HS6ST3: variants seen among roughly 807,000 people sequenced by gnomAD.
HS6ST3 encodes the protein heparan-sulfate 6-O-sulfotransferase 3.
HS6ST3 carries 12 observed loss-of-function variants against 36.7 expected under a neutral mutation model. That is an observed-to-expected ratio of 0.33 (90% CI 0.21 to 0.53). HS6ST3 has a LOEUF of 0.53. Ranked by LOEUF, HS6ST3 falls within the 20% of genes least tolerant of loss-of-function variation. HS6ST3 has a pLI of 0.95. For synonymous variants in HS6ST3, 240 were observed against 257.5 expected, an observed-to-expected ratio of 0.93 and a Z score of 0.65; for missense variants, 584 against 640.9, an observed-to-expected ratio of 0.91 and a Z score of 0.96.
intron 1 of HS6ST3, among the ~76,000 whole-genome samples, chr13:96,452,877 G>C (rs1276207712): frequency 6.6e-6 from 1 of 152,090 alleles, no homozygotes; most frequent in Non-Finnish European, 1.5e-5. Flanking sequence ...GGGAGGAATT[G>C]CATGATGAAA....
chr13:96,509,513 A>T (rs2056040357), intron 1 of HS6ST3, among the ~76,000 whole-genome samples: 1 of 152,108 alleles, frequency 6.6e-6, no homozygotes, highest in African/African-American at 2.4e-5. Flanking sequence ...TCTTGAGTTG[A>T]TTTTTGTATA....
chr13:96,326,501 A>G (rs2055032568), intron 1 of HS6ST3, among the ~76,000 whole-genome samples: 1 of 152,062 alleles, frequency 6.6e-6, no homozygotes, highest in East Asian at 1.9e-4. Flanking sequence ...TACAAAGGAC[A>G]TGAACTCATC....
chr13:96,216,420 G>A (rs773627927), intron 1 of HS6ST3, among the ~76,000 whole-genome samples: 6 of 151,914 alleles, frequency 3.9e-5, no homozygotes, highest in African/African-American at 7.3e-5. Context: ...CCTGCTCCCC[G>A]CCCACCAATA....
In HS6ST3 at chr13:96,212,609, G is replaced by T. The variant is rs553902409; in HGVS notation, c.707+121040G>T. Among the ~76,000 whole-genome samples the T allele has an allele frequency of 3.3e-5, 5 of 152,350 alleles. 1 individual carries two copies. The South Asian group carries it at 1.0e-3, about 32-fold the overall frequency. On this transcript the variant is annotated intron_variant, in intron 1 of 1. Transcript: ENST00000376705. The stretch of plus-strand genomic sequence containing the variant: ...AATCCTAGCACTTTGGGTGGCTGAG[G>T]TGGGAGGGTCACTTGAAGCTAGGAG...
At chr13:96,387,462 G>A (rs1383119817) in intron 1 of HS6ST3, among the ~76,000 whole-genome samples, 4 of 152,180 alleles carry the variant, frequency 2.6e-5, no homozygotes, top group Non-Finnish European at 5.9e-5. Context: ...TTCTTGTGGA[G>A]CTATTTGTCA....
intron 1 of HS6ST3, among the ~76,000 whole-genome samples, chr13:96,506,483 T>TG (rs2056027081): frequency 6.6e-6 from 1 of 152,176 alleles, no homozygotes; most frequent in Non-Finnish European, 1.5e-5. Flanking sequence ...CTCTGCAAGT[T>TG]GCAGCTGCCA....
chr13:96,727,339 C>A (rs1876029732), intron 1 of HS6ST3, among the ~76,000 whole-genome samples: 1 of 152,030 alleles, frequency 6.6e-6, no homozygotes, highest in South Asian at 2.1e-4. Context: ...AAATGCTCAA[C>A]ATGCATTTAT....
chr13:96,260,166 G>A (rs574248714), intron 1 of HS6ST3, among the ~76,000 whole-genome samples: 1 of 151,850 alleles, frequency 6.6e-6, no homozygotes, highest in African/African-American at 2.4e-5. Flanking sequence ...TCACTACTTT[G>A]CAAGGATCCT....
intron 1 of HS6ST3, among the ~76,000 whole-genome samples, chr13:96,190,829 T>C (rs988580562): frequency 6.6e-6 from 1 of 152,140 alleles, no homozygotes; most frequent in African/African-American, 2.4e-5. Flanking sequence ...TGTGAAGACC[T>C]GGAGAAACTC....
intron 1 of HS6ST3, among the ~76,000 whole-genome samples, chr13:96,352,403 A>C (rs2055188104): frequency 6.6e-6 from 1 of 152,188 alleles, no homozygotes; most frequent in Non-Finnish European, 1.5e-5. Flanking sequence ...GATCATTGGC[A>C]GTAGGTGTCA....
intron 1 of HS6ST3, among the ~76,000 whole-genome samples, chr13:96,640,033 T>A (rs558945297): frequency 6.6e-6 from 1 of 152,140 alleles, no homozygotes; most frequent in South Asian, 2.1e-4. Context: ...TATACATGCA[T>A]GTGTCCTTTT....
intron 1 of HS6ST3, among the ~76,000 whole-genome samples, chr13:96,486,428 G>C (rs976351196): frequency 3.3e-5 from 5 of 152,130 alleles, no homozygotes; most frequent in African/African-American, 1.2e-4. Flanking sequence ...CTAGATCCCT[G>C]AGGAATCACC....
At chr13:96,689,607 T>TTTCTTTC (rs1555318785) in intron 1 of HS6ST3, among the ~76,000 whole-genome samples, 3 of 1,480 alleles carry the variant, frequency 2.0e-3, no homozygotes, top group Non-Finnish European at 6.6e-3. Context: ...TCTTTCTTTC[T>TTTCTTTC]TTTTTTTTTT....
In HS6ST3 at chr13:96,468,196, C is replaced by T. The variant is rs190639694; in HGVS notation, c.708-364294C>T. 1.1e-3 allele frequency among the ~76,000 whole-genome samples: 162 copies of T among 152,242 alleles called. 3 individuals carry two copies. In the East Asian group the frequency reaches 0.023, roughly 22 times the overall value. On this transcript the variant is annotated intron_variant, in intron 1 of 1. Coordinates refer to ENST00000376705, the MANE Select transcript of HS6ST3 (RefSeq NM_153456.4). ...TGCTGTACATGTTCCCAAATAAGAACTTTAAGCCTTAAGTTTAAGAAAATG... is the reference window on the plus strand; with the variant it reads ...TGCTGTACATGTTCCCAAATAAGAATTTTAAGCCTTAAGTTTAAGAAAATG...
chr13:96,810,892 A>G (rs1594865880), intron 1 of HS6ST3, among the ~76,000 whole-genome samples: 1 of 152,204 alleles, frequency 6.6e-6, no homozygotes, highest in Admixed American at 6.5e-5. Flanking sequence ...TTAGTCAAAA[A>G]TAAGAAATTA....
At chr13:96,636,579 A>T (rs1252784730) in intron 1 of HS6ST3, among the ~76,000 whole-genome samples, 3 of 152,150 alleles carry the variant, frequency 2.0e-5, no homozygotes, top group Non-Finnish European at 4.4e-5. Flanking sequence ...AGAGCACAAT[A>T]TGAGTCATTT....
chr13:96,460,390 T>G (rs1421852668), intron 1 of HS6ST3, among the ~76,000 whole-genome samples: 1 of 152,234 alleles, frequency 6.6e-6, no homozygotes, highest in Non-Finnish European at 1.5e-5. Context: ...GAAAAATTCT[T>G]TTAGTTTGGT....
chr13:96,771,066 G>A (rs1217381894), intron 1 of HS6ST3, among the ~76,000 whole-genome samples: 1 of 152,130 alleles, frequency 6.6e-6, no homozygotes, highest in Admixed American at 6.5e-5. Flanking sequence ...AAACATATGT[G>A]TGCATGTGTC....
chr13:96,371,314 T>G (rs754971054), intron 1 of HS6ST3, among the ~76,000 whole-genome samples: 2 of 152,224 alleles, frequency 1.3e-5, no homozygotes, highest in Non-Finnish European at 2.9e-5. Flanking sequence ...ATCTTTTTTA[T>G]AGCTTTCTTG....
Sources: gnomAD v4.1 joint callset for allele counts (sites outside exome capture counted in the v4.1 genomes callset) on GRCh38, gnomAD v4.1.1 for gene constraint, MANE v1.5 for transcripts, NCBI Gene and HGNC (gene_info 2026-07-23, HGNC 2026-07-21) for gene names.